SLC14A2: variants seen among roughly 807,000 people sequenced by gnomAD.
SLC14A2 encodes solute carrier family 14 member 2.
SLC14A2 carries 91 observed loss-of-function variants against 104.6 expected under a neutral mutation model. The ratio of observed to expected loss-of-function variants is 0.87; its 90% CI spans 0.73 to 1.04. The LOEUF is 1.04. Among genes scored for constraint, SLC14A2 ranks in the 50% least tolerant of loss-of-function variants. The pLI, the probability that SLC14A2 is intolerant of heterozygous loss-of-function variation, is 0.00. For synonymous variants in SLC14A2, 476 were observed against 466.4 expected, an observed-to-expected ratio of 1.02 and a Z score of -0.27; for missense variants, 1,189 against 1,156.0, an observed-to-expected ratio of 1.03 and a Z score of -0.41.
rs542719425 is a variant in SLC14A2 at position 45,537,701 on chromosome 18, G to T, written c.-35+54379G>T. On this transcript the variant is annotated intron_variant, in intron 2 of 20. Coordinates refer to the SLC14A2 transcript ENST00000586448. ...TTTGGTTGGGATCATTGGCTGCTGGGTATAGAATAGACCGCATTGGCCACT... is the reference window on the plus strand; with the variant it reads ...TTTGGTTGGGATCATTGGCTGCTGGTTATAGAATAGACCGCATTGGCCACT... Among the ~76,000 whole-genome samples the T allele has an allele frequency of 1.9e-4, 29 of 152,320 alleles. 1 individual carries two copies. The South Asian group carries it at 5.6e-3, about 29-fold the overall frequency.
At chr18:45,418,191 G>A (rs1388890688) in intron 1 of SLC14A2, among the ~76,000 whole-genome samples, 2 of 152,202 alleles carry the variant, frequency 1.3e-5, no homozygotes, top group Non-Finnish European at 2.9e-5. Flanking sequence ...GACACTGCTA[G>A]GTGTGTGGGG....
At chr18:45,247,549 A>C (rs1296017897) in intron 1 of SLC14A2, among the ~76,000 whole-genome samples, 3 of 152,170 alleles carry the variant, frequency 2.0e-5, no homozygotes, top group Non-Finnish European at 2.9e-5. Flanking sequence ...AACTCTGTCT[A>C]TTCGTTCTTC....
chr18:45,325,151 A>G (rs1301404937), intron 1 of SLC14A2, among the ~76,000 whole-genome samples: 1 of 152,214 alleles, frequency 6.6e-6, no homozygotes, highest in African/African-American at 2.4e-5. Flanking sequence ...CAGTGCTCTC[A>G]TTAGCTCAAT....
the SLC14A2 span, among the ~76,000 whole-genome samples, chr18:45,202,715 T>C: frequency 1.3e-5 from 2 of 152,120 alleles, no homozygotes; most frequent in African/African-American, 4.8e-5. Flanking sequence ...AGTGGTTCTC[T>C]TGACCTCTTC....
At chr18:45,469,807 G>A (rs1043321236) in intron 1 of SLC14A2, among the ~76,000 whole-genome samples, 2 of 152,138 alleles carry the variant, frequency 1.3e-5, no homozygotes, top group African/African-American at 4.8e-5. Context: ...CCCAGTGTGG[G>A]GCATGTCTGT....
intron 1 of SLC14A2, among the ~76,000 whole-genome samples, chr18:45,618,812 C>A (rs987467929): frequency 6.6e-6 from 1 of 151,794 alleles, no homozygotes. Context: ...CTAATTCACA[C>A]CAACAACTCA....
chr18:45,577,821 T>C (rs1257543397), intron 2 of SLC14A2, among the ~76,000 whole-genome samples: 1 of 152,192 alleles, frequency 6.6e-6, no homozygotes, highest in Non-Finnish European at 1.5e-5. Context: ...GAAAACTAGC[T>C]CTGCCCTACA....
chr18:45,288,121 T>C (rs1488447495), intron 1 of SLC14A2, among the ~76,000 whole-genome samples: 1 of 152,162 alleles, frequency 6.6e-6, no homozygotes, highest in Non-Finnish European at 1.5e-5. Context: ...TAAAATGAGA[T>C]GAAGAAAGTG....
chr18:45,283,247 A>G (rs961060986), intron 1 of SLC14A2, among the ~76,000 whole-genome samples: 13 of 149,868 alleles, frequency 8.7e-5, no homozygotes, highest in African/African-American at 3.0e-4. Context: ...CCTAATTGAT[A>G]AAAGTGGAAG....
chr18:45,478,610 G>A (rs2087430766), intron 1 of SLC14A2, among the ~76,000 whole-genome samples: 1 of 152,190 alleles, frequency 6.6e-6, no homozygotes, highest in East Asian at 1.9e-4. Flanking sequence ...ATTTGACTGA[G>A]ATAAGCTCTT....
chr18:45,459,347 A>G (rs1445054722), intron 1 of SLC14A2, among the ~76,000 whole-genome samples: 1 of 152,154 alleles, frequency 6.6e-6, no homozygotes, highest in Non-Finnish European at 1.5e-5. Context: ...CCTTGTCTCC[A>G]TGTGCTGTAG....
At chr18:45,508,848 C>G (rs2043324030) in intron 2 of SLC14A2, among the ~76,000 whole-genome samples, 1 of 152,212 alleles carries the variant, frequency 6.6e-6, no homozygotes, top group African/African-American at 2.4e-5. Context: ...AATTAACAAA[C>G]TGGTCTTGCA....
At chr18:45,326,764 C>T (rs2085238698) in intron 1 of SLC14A2, among the ~76,000 whole-genome samples, 2 of 152,312 alleles carry the variant, frequency 1.3e-5, no homozygotes, top group Non-Finnish European at 2.9e-5. Context: ...GATGAGTGGA[C>T]TTAGGGCAGG....
Position 45,624,652 on chromosome 18 carries a change from G to A in SLC14A2, c.-13G>A. ...CTAGTCCATCGATAGAAGAGTGGCT[G>A]TGACCCGAAGGAATGTCTGACCCCC... On this transcript the variant is annotated 5_prime_UTR_variant, in exon 2 of 20. The change creates a new upstream start codon in the 5' untranslated region. Coordinates refer to ENST00000255226, the MANE Select transcript of SLC14A2 (RefSeq NM_007163.4). The A allele has an allele frequency of 1.2e-6, 2 of 1,606,648 alleles. No homozygotes were observed. The highest frequency in any genetic ancestry group is 2.2e-5 in the South Asian group (2 of 89,588).
rs575916239 is a variant in SLC14A2 at position 45,472,663 on chromosome 18, A to G, written c.-124-10570A>G. 1.4e-4 allele frequency among the ~76,000 whole-genome samples: 21 copies of G among 152,314 alleles called. No homozygotes were observed. The South Asian group carries it at 3.9e-3, about 29-fold the overall frequency. On this transcript the variant is annotated intron_variant, in intron 1 of 20. Transcript: ENST00000586448. ...TTTTTTTCATATGTTTGTTGGTCAC[A>G]TAAATGTCTTCTTTTGAGAAGTGTC... is the stretch of plus-strand genomic sequence containing the variant.
At chr18:45,573,139 T>C (rs762853253) in intron 2 of SLC14A2, among the ~76,000 whole-genome samples, 2 of 152,198 alleles carry the variant, frequency 1.3e-5, no homozygotes, top group African/African-American at 2.4e-5. Flanking sequence ...TTCTTTCAAC[T>C]AATAGATTGA....
chr18:45,171,119 G>T, the SLC14A2 span, among the ~76,000 whole-genome samples: 1 of 152,094 alleles, frequency 6.6e-6, no homozygotes, highest in South Asian at 2.1e-4. Flanking sequence ...CAAAATACAG[G>T]ATGCCACTAA....
At chr18:45,341,224 TG>T (rs1359646516) in intron 1 of SLC14A2, among the ~76,000 whole-genome samples, 1 of 152,240 alleles carries the variant, frequency 6.6e-6, no homozygotes, top group Non-Finnish European at 1.5e-5. Flanking sequence ...TTAAGTCCGG[TG>T]GGCCAAGTGT....
chr18:45,281,607 T>C (rs970493431), intron 1 of SLC14A2, among the ~76,000 whole-genome samples: 1 of 152,150 alleles, frequency 6.6e-6, no homozygotes, highest in African/African-American at 2.4e-5. Context: ...TTGTCATCAT[T>C]CTCTCTCTCC....
Sources: allele counts gnomAD v4.1 joint callset (sites outside exome capture counted in the v4.1 genomes callset), GRCh38; gene constraint gnomAD v4.1.1; transcripts MANE v1.5; gene names NCBI Gene and HGNC (gene_info 2026-07-23, HGNC 2026-07-21).